The following EYS variants were observed in gnomAD, a reference collection of about 807,000 sequenced individuals.
The protein encoded by EYS is EGF-like photoreceptor maintenance factor, also known as protein eyes shut homolog.
In EYS, 250 loss-of-function variants were observed where a neutral mutation model predicts 282.1. The ratio of observed to expected loss-of-function variants is 0.89; its 90% confidence interval spans 0.80 to 0.98. The LOEUF is 0.98. Ranked by LOEUF, EYS falls within the 50% of genes least tolerant of loss-of-function variation. The pLI is 0.00. For missense variants in EYS, 4,016 were observed against 3,709.0 expected (o/e 1.08, Z -2.15); for synonymous variants, 1,355 against 1,282.9 (o/e 1.06, Z -1.20).
intron 35 of EYS, among the ~76,000 whole-genome samples, chr6:63,878,669 C>G (rs376381086): frequency 2.6e-5 from 4 of 152,150 alleles, no homozygotes; most frequent in Admixed American, 2.6e-4. Flanking sequence ...CTCAAGCCTC[C>G]GCCATGGCAG....
chr6:63,880,267 A>G (rs1021628304), intron 35 of EYS, among the ~76,000 whole-genome samples: 3 of 152,184 alleles, frequency 2.0e-5, no homozygotes, highest in African/African-American at 7.2e-5. Flanking sequence ...TCAGGCAGCA[A>G]AAATGGCCTA....
chr6:63,940,547 T>C (rs1328017002), intron 35 of EYS, among the ~76,000 whole-genome samples: 1 of 152,186 alleles, frequency 6.6e-6, no homozygotes, highest in Non-Finnish European at 1.5e-5. Flanking sequence ...AAGGATGGTT[T>C]GTTGATTTTA....
At chr6:65,072,255 G>A (rs567921631) in intron 12 of EYS, among the ~76,000 whole-genome samples, 1 of 151,838 alleles carries the variant, frequency 6.6e-6, no homozygotes, top group East Asian at 1.9e-4. Flanking sequence ...GAGTAGGACA[G>A]GGAAAATAGA....
At chr6:65,631,589 C>T (rs754417167) in intron 2 of EYS, among the ~76,000 whole-genome samples, 1 of 152,030 alleles carries the variant, frequency 6.6e-6, no homozygotes, top group Non-Finnish European at 1.5e-5. Context: ...TATGACTGAA[C>T]AAGCACAAAT....
intron 12 of EYS, among the ~76,000 whole-genome samples, chr6:65,287,237 TTTTACTACCA>T (rs1450657638): frequency 2.0e-5 from 3 of 151,564 alleles, no homozygotes; most frequent in African/African-American, 7.2e-5. Context: ...ACACCTATAA[TTTTACTACCA>T]TTTACTATGG....
At chr6:64,186,851 A>C (rs1007612021) in intron 31 of EYS, among the ~76,000 whole-genome samples, 1 of 152,258 alleles carries the variant, frequency 6.6e-6, no homozygotes, top group Non-Finnish European at 1.5e-5. Flanking sequence ...TGATTAGTAA[A>C]AGTGACTACA....
intron 30 of EYS, among the ~76,000 whole-genome samples, chr6:64,306,136 T>C (rs1769436487): frequency 6.6e-6 from 1 of 152,050 alleles, no homozygotes; most frequent in Admixed American, 6.5e-5. Flanking sequence ...TCAATAACAA[T>C]AATTAGGGAA....
intron 2 of EYS, among the ~76,000 whole-genome samples, chr6:65,580,387 A>G (rs1179991990): frequency 1.3e-5 from 2 of 152,128 alleles, no homozygotes; most frequent in African/African-American, 4.8e-5. Context: ...TCCAAACAGA[A>G]CTCATTGGGT....
At chr6:63,916,841 G>T (rs1158175856) in intron 35 of EYS, among the ~76,000 whole-genome samples, 3 of 152,184 alleles carry the variant, frequency 2.0e-5, no homozygotes, top group African/African-American at 4.8e-5. Context: ...CTGTTTGCTG[G>T]AGTCGATGGA....
intron 35 of EYS, among the ~76,000 whole-genome samples, chr6:63,867,438 G>A (rs321501): frequency 0.99 from 150,132 of 152,230 alleles, 74,068 homozygotes; most frequent in East Asian, 1. Context: ...GTAGGTCTGC[G>A]AAATAATCCA....
intron 12 of EYS, among the ~76,000 whole-genome samples, chr6:65,070,145 A>T (rs1773861822): frequency 6.6e-6 from 1 of 151,896 alleles, no homozygotes; most frequent in Non-Finnish European, 1.5e-5. Context: ...ATTGTCATTA[A>T]ATCTCCCTTC....
chr6:63,820,985 A>C (rs1194301219), intron 36 of EYS, among the ~76,000 whole-genome samples: 2 of 152,170 alleles, frequency 1.3e-5, no homozygotes, highest in African/African-American at 4.8e-5. Context: ...TTATGAAATT[A>C]TGTATTAAAA....
At chr6:65,546,907 T>C (rs1042544759) in intron 2 of EYS, among the ~76,000 whole-genome samples, 4 of 152,120 alleles carry the variant, frequency 2.6e-5, no homozygotes, top group African/African-American at 7.2e-5. Context: ...AGTATCTTCA[T>C]GGCTAGGAGC....
chr6:63,850,577 G>A (rs1185843977), intron 36 of EYS, among the ~76,000 whole-genome samples: 1 of 152,162 alleles, frequency 6.6e-6, no homozygotes, highest in Non-Finnish European at 1.5e-5. Flanking sequence ...GTCAAACTAA[G>A]CTTCATAAGC....
At chr6:64,096,895 G>C (rs1772639587) in intron 31 of EYS, among the ~76,000 whole-genome samples, 1 of 152,114 alleles carries the variant, frequency 6.6e-6, no homozygotes, top group Admixed American at 6.6e-5. Context: ...ATCTACCTTT[G>C]GTGTTTGATG....
At chr6:65,657,860 A>C (rs1262763114) in intron 1 of EYS, among the ~76,000 whole-genome samples, 1 of 151,742 alleles carries the variant, frequency 6.6e-6, no homozygotes, top group Non-Finnish European at 1.5e-5. Flanking sequence ...ATCAAACTTT[A>C]TTGTTGTCTT....
chr6:65,078,905 C>A (rs1774140115), intron 12 of EYS, among the ~76,000 whole-genome samples: 1 of 151,464 alleles, frequency 6.6e-6, no homozygotes, highest in African/African-American at 2.4e-5. Context: ...CCTCCCCTCC[C>A]ACTCCCTCTT....
intron 2 of EYS, among the ~76,000 whole-genome samples, chr6:65,605,087 C>T (rs1765741190): frequency 6.6e-6 from 1 of 150,856 alleles, no homozygotes; most frequent in South Asian, 2.1e-4. Context: ...TCAAGCAATC[C>T]TCCTGCCTTG....
At chr6:65,024,384 G>A (rs1238410751) in intron 13 of EYS, among the ~76,000 whole-genome samples, 1 of 152,188 alleles carries the variant, frequency 6.6e-6, no homozygotes, top group African/African-American at 2.4e-5. Flanking sequence ...AGTAGGTATT[G>A]TAGTCATTCC....
Sources: gnomAD v4.1 joint callset for allele counts (sites outside exome capture counted in the v4.1 genomes callset) on GRCh38, gnomAD v4.1.1 for gene constraint, MANE v1.5 for transcripts, NCBI Gene and HGNC (gene_info 2026-07-23, HGNC 2026-07-21) for gene names.